Variants in FUBP3 observed in about 807,000 individuals in gnomAD.
FUBP3 encodes the protein far upstream element-binding protein 3.
A neutral mutation model predicts 85.6 loss-of-function variants in FUBP3; 28 were observed. The observed-to-expected ratio is 0.33, with a 90% CI of 0.24 to 0.45. The LOEUF (loss-of-function observed/expected upper bound fraction) is 0.45, where lower values mean the gene tolerates loss of function less well. Ranked by LOEUF, FUBP3 falls within the 20% of genes least tolerant of loss-of-function variation. The pLI, the probability that FUBP3 is intolerant of heterozygous loss-of-function variation, is 1.00. For missense variants in FUBP3, 583 were observed against 755.1 expected (o/e 0.77, Z 2.67); for synonymous variants, 271 against 271.4 (o/e 1.00, Z 0.01).
At chr9:130,596,403 T>C (rs2119029156) in intron 2 of FUBP3, among the ~76,000 whole-genome samples, 1 of 152,320 alleles carries the variant, frequency 6.6e-6, no homozygotes, top group Non-Finnish European at 1.5e-5. Context: ...AAAATGAAGA[T>C]GTAGAACAGT....
At chr9:130,606,653 T>C (rs1310311049) in intron 2 of FUBP3, among the ~76,000 whole-genome samples, 1 of 152,008 alleles carries the variant, frequency 6.6e-6, no homozygotes, top group Non-Finnish European at 1.5e-5. Context: ...AAACCCCGTC[T>C]CTACTAAAAA....
In FUBP3 at chr9:130,631,647, A is replaced by T. The variant is rs374676825; in HGVS notation, c.1352+17A>T. The T allele has an allele frequency of 1.2e-5, 19 of 1,592,452 alleles. No homozygotes were observed. In the African/African-American group the frequency reaches 2.4e-4, roughly 20 times the overall value. ...TCATCAAAAGTGAGTCTTTTGCATCAGTCTTGCCTGGGAGAATTCACTCGC... is the reference window on the plus strand; with the variant it reads ...TCATCAAAAGTGAGTCTTTTGCATCTGTCTTGCCTGGGAGAATTCACTCGC... On this transcript the variant is annotated intron_variant, in intron 14 of 18. Coordinates refer to ENST00000319725, the MANE Select transcript of FUBP3 (RefSeq NM_003934.2).
rs368458868 is a variant in FUBP3, at chr9:130,606,589, A to G, written c.191-3365A>G. 6.7e-4 allele frequency among the ~76,000 whole-genome samples: 102 copies of G among 152,112 alleles called. 1 individual carries two copies. The East Asian group carries it at 0.013, about 19-fold the overall frequency. Reference sequence around the variant, plus strand: ...TAATCCCAGCACTTTGGGAGGCTAAAGTGGGCGGATCACCTGAGGTCGGGA... The same window carrying G: ...TAATCCCAGCACTTTGGGAGGCTAAGGTGGGCGGATCACCTGAGGTCGGGA... On this transcript the variant is annotated intron_variant, in intron 2 of 18. Transcript: ENST00000319725.
At position 130,631,615 on chromosome 9, in the gene FUBP3, C is replaced by T. The variant is rs776344598; in HGVS notation, c.1337C>T (p.Ala446Val). Reference sequence around the variant, plus strand: ...CAGAGTCCATTCAGCCAGCCACCTGCCCCACCTCATCAAAAGTGAGTCTTT... The same window carrying T: ...CAGAGTCCATTCAGCCAGCCACCTGTCCCACCTCATCAAAAGTGAGTCTTT... ...FGQSPFSQPP[A>V]PPHQNTFPPR... Residue 446 changes from alanine to valine, a missense_variant, in exon 14 of 19, where the codon GCC (alanine) becomes GTC (valine). Transcript: ENST00000319725. 21 of 1,612,778 alleles carry T rather than the reference C, an allele frequency of 1.3e-5. No homozygotes were observed. Among genetic ancestry groups the T allele is most frequent in the Non-Finnish European group, 1.6e-5 (19 of 1,178,846 alleles).
At chr9:130,592,214 A>G (rs1233709329) in intron 1 of FUBP3, among the ~76,000 whole-genome samples, 1 of 152,260 alleles carries the variant, frequency 6.6e-6, no homozygotes, top group Admixed American at 6.5e-5. Context: ...CCTGGGCAAC[A>G]GAGCAAGACT....
chr9:130,634,610 G>A (rs1830345832), intron 16 of FUBP3, 57 bp from the exon 17 acceptor site: 8 of 1,436,442 alleles, frequency 5.6e-6, no homozygotes, highest in Non-Finnish European at 7.7e-6. Context: ...CTGGCGGGCT[G>A]GGGCCGAGGC....
Position 130,623,596 on chromosome 9 carries a change from C to CA in FUBP3, c.875-14dup, listed in dbSNP as rs750508321. ...TGGGCTTTTTTCTAATCCTGTCTCT[C>CA]ACCTGGCTCCTCAGATGATGGGATT... On this transcript the variant is annotated splice_polypyrimidine_tract_variant and intron_variant, in intron 10 of 18. Transcript: ENST00000319725. 1.1e-4 allele frequency: 176 copies of CA among 1,546,068 alleles called. No individual in the cohort carries two copies. Among genetic ancestry groups the CA allele is most frequent in the Non-Finnish European group, 1.5e-4 (166 of 1,118,664 alleles).
intron 2 of FUBP3, among the ~76,000 whole-genome samples, chr9:130,598,378 G>A (rs1830970850): frequency 6.6e-6 from 1 of 152,222 alleles, no homozygotes; most frequent in Non-Finnish European, 1.5e-5. Context: ...TTGTGAAATT[G>A]TTGTGAAAGG....
chr9:130,599,394 T>TAC (rs1445131542), intron 2 of FUBP3, among the ~76,000 whole-genome samples: 3 of 151,864 alleles, frequency 2.0e-5, no homozygotes, highest in Non-Finnish European at 4.4e-5. Flanking sequence ...TATATATATA[T>TAC]ATATGTAAAG....
chr9:130,606,396 C>CCG (rs1554739438), intron 2 of FUBP3, among the ~76,000 whole-genome samples: 8 of 152,190 alleles, frequency 5.3e-5, no homozygotes, highest in African/African-American at 1.9e-4. Context: ...CCACCCCCCC[C>CCG]CAACAGACTC....
intron 1 of FUBP3, among the ~76,000 whole-genome samples, chr9:130,589,357 A>G (rs1830481843): frequency 6.7e-6 from 1 of 150,116 alleles, no homozygotes; most frequent in Non-Finnish European, 1.5e-5. Flanking sequence ...TTATTTATTT[A>G]TTTTGAGATG....
At chr9:130,620,618 C>T (rs1194907114) in intron 9 of FUBP3, among the ~76,000 whole-genome samples, 160 bp downstream of exon 9, 2 of 152,164 alleles carry the variant, frequency 1.3e-5, no homozygotes, top group Non-Finnish European at 2.9e-5. Context: ...TGGACTGGAA[C>T]AGCAGCAGCC....
intron 1 of FUBP3, among the ~76,000 whole-genome samples, chr9:130,584,568 A>G (rs1564187311): frequency 1.3e-5 from 2 of 151,890 alleles, no homozygotes; most frequent in African/African-American, 2.4e-5. Context: ...CATTAAAAAA[A>G]AGAGAGAGCA....
In FUBP3 at chr9:130,631,961, T is replaced by C. The variant is rs954668739; in HGVS notation, c.1372T>C (p.Ser458Pro). The change falls in exon 15 of 19, where the codon TCC becomes CCC. Residue 458 changes from serine to proline, a missense_variant. This residue lies in a region of FUBP3 where 404 missense variants were observed against 516.8 expected (regional missense o/e 0.78). Transcript: ENST00000319725. ...TCCCAGTACCTTTCCTCCAAGGAGCTCCGGGTGCTTCCCAAACATGGCTGC... is the reference window on the plus strand; with the variant it reads ...TCCCAGTACCTTTCCTCCAAGGAGCCCCGGGTGCTTCCCAAACATGGCTGC... ...PHQNTFPPRSSGCFPNMAAKV... is the reference protein window; with the variant it reads ...PHQNTFPPRSPGCFPNMAAKV... 6.2e-7 allele frequency: 1 copy of C among 1,613,168 alleles called. No homozygotes were observed. The highest frequency in any genetic ancestry group is 8.5e-7 in the Non-Finnish European group (1 of 1,179,108).
rs375033714 is a variant in FUBP3, at chr9:130,613,055, AT to A, written c.346+32del. ...AAGGGCTTTTTAAAAATAGATATCA[AT>A]TTTGTAGAAATCAGTATTTTGCAAA... On this transcript the variant is annotated intron_variant, in intron 5 of 18. Coordinates refer to ENST00000319725, the MANE Select transcript of FUBP3 (RefSeq NM_003934.2). 8 of 1,441,422 alleles carry A rather than the reference AT, an allele frequency of 5.6e-6. No homozygotes were observed. The African/African-American group carries it at 7.0e-5, about 13-fold the overall frequency. 89.3% of individuals were successfully genotyped at this position (1,441,422 alleles called of 1,614,324 possible). A position where few individuals can be genotyped will look rare whatever the true frequency, so the allele number is the denominator to read the frequency against.
intron 2 of FUBP3, among the ~76,000 whole-genome samples, chr9:130,606,680 C>CGT (rs1021566359): frequency 5.9e-5 from 9 of 151,916 alleles, no homozygotes; most frequent in Non-Finnish European, 1.3e-4. Flanking sequence ...ATTAGCCGGG[C>CGT]GTAGTGGCGC....
chr9:130,580,004 G>A (rs1389303440), intron 1 of FUBP3, among the ~76,000 whole-genome samples: 2 of 152,244 alleles, frequency 1.3e-5, no homozygotes, highest in Non-Finnish European at 2.9e-5. Context: ...GAAAGGGTTT[G>A]CTTAGAGCGT....
intron 8 of FUBP3, 40 bp downstream of exon 8, chr9:130,617,935 G>T: frequency 1.1e-6 from 1 of 937,256 alleles, no homozygotes; most frequent in East Asian, 2.5e-5. Context: ...CTGGCTGTTG[G>T]GGCTATCACT....
At chr9:130,608,136 G>A (rs967243434) in intron 2 of FUBP3, among the ~76,000 whole-genome samples, 2 of 152,116 alleles carry the variant, frequency 1.3e-5, no homozygotes, top group African/African-American at 4.8e-5. Context: ...TGGCTTTTCT[G>A]GCTGAGACAG....
Sources: gnomAD v4.1 joint callset for allele counts (sites outside exome capture counted in the v4.1 genomes callset) on GRCh38, gnomAD v4.1.1 for gene constraint, gnomAD v4.1.1 regional missense constraint, MANE v1.5 for transcripts, NCBI Gene and HGNC (gene_info 2026-07-23, HGNC 2026-07-21) for gene names.